ATF1: variants seen among roughly 807,000 people sequenced by gnomAD.
The protein encoded by ATF1 is activating transcription factor 1.
ATF1 carries 16 observed loss-of-function variants against 34.7 expected under a neutral mutation model. The ratio of observed to expected loss-of-function variants is 0.46; its 90% CI spans 0.31 to 0.70. ATF1 has a LOEUF of 0.70. Among genes scored for constraint, ATF1 ranks in the 30% least tolerant of loss-of-function variants. The pLI, the probability that ATF1 is intolerant of heterozygous loss-of-function variation, is 0.05. For synonymous variants in ATF1, 105 were observed against 113.1 expected (o/e 0.93, Z 0.46); for missense variants, 255 against 321.6 (o/e 0.79, Z 1.58).
chr12:50,809,393 AAATTAT>A, intron 3 of ATF1, 57 bp from the exon 4 acceptor site: 11 of 1,245,314 alleles, frequency 8.8e-6, no homozygotes, highest in Admixed American at 2.5e-5. Flanking sequence ...AAAAAAAAAA[AAATTAT>A]TTTTGTGAAG....
At position 50,820,759 on chromosome 12, in the gene ATF1, A is replaced by G. The variant is rs560045868; in HGVS notation, c.*980A>G. On this transcript the variant is annotated 3_prime_UTR_variant, in exon 7 of 7. Transcript: ENST00000262053. ...TTAAGGCAATTTTATGTTAGAGACT[A>G]TTTTGTAATGTAGTGAGTGGTACCT... 2.8e-5 allele frequency: 5 copies of G among 179,544 alleles called. No homozygotes were observed. Among genetic ancestry groups the G allele is most frequent in the African/African-American group, 9.4e-5 (4 of 42,486 alleles). The allele number at this position is 179,544 out of a possible 1,614,324, so 11.1% of individuals were successfully genotyped here. A position where few individuals can be genotyped will look rare whatever the true frequency, so the allele number is the denominator to read the frequency against.
At chr12:50,771,562 C>T (rs2139637121) in intron 1 of ATF1, among the ~76,000 whole-genome samples, 1 of 152,156 alleles carries the variant, frequency 6.6e-6, no homozygotes, top group South Asian at 2.1e-4. Context: ...ATCTTCGTCC[C>T]TCTGCAACCC....
chr12:50,798,723 C>T (rs923236686), intron 3 of ATF1, among the ~76,000 whole-genome samples: 7 of 152,088 alleles, frequency 4.6e-5, no homozygotes, highest in South Asian at 4.1e-4. Flanking sequence ...AAATCAAATA[C>T]GAATTCACTC....
chr12:50,771,207 T>C (rs564505891), intron 1 of ATF1, among the ~76,000 whole-genome samples: 1 of 152,150 alleles, frequency 6.6e-6, no homozygotes, highest in Non-Finnish European at 1.5e-5. Context: ...GGTTTCACCA[T>C]GTTGGCCAGG....
intron 3 of ATF1, among the ~76,000 whole-genome samples, chr12:50,798,485 T>A (rs1320547852): frequency 1.3e-5 from 2 of 151,888 alleles, no homozygotes; most frequent in Non-Finnish European, 2.9e-5. Context: ...ATTTTTTGTA[T>A]TTTTTAGTAG....
At chr12:50,813,946 G>T in intron 4 of ATF1, 64 bp from the exon 5 acceptor site, 1 of 1,480,268 alleles carries the variant, frequency 6.8e-7, no homozygotes. Context: ...TGGGCTTTTT[G>T]CCACTCCTTT....
At chr12:50,764,944 ACCCT>A (rs2139629292) in intron 1 of ATF1, among the ~76,000 whole-genome samples, 1 of 152,000 alleles carries the variant, frequency 6.6e-6, no homozygotes, top group Admixed American at 6.6e-5. Flanking sequence ...GGGCGTCTGT[ACCCT>A]TTGGGATGGG....
chr12:50,766,811 A>G (rs1293746069), intron 1 of ATF1, among the ~76,000 whole-genome samples: 1 of 152,028 alleles, frequency 6.6e-6, no homozygotes, highest in East Asian at 1.9e-4. Flanking sequence ...CCACCCTGCC[A>G]CAGGCAATAC....
At chr12:50,803,098 TA>T (rs746106904) in intron 3 of ATF1, among the ~76,000 whole-genome samples, 222 of 140,690 alleles carry the variant, frequency 1.6e-3, no homozygotes, top group Admixed American at 1.7e-3. Context: ...CCGTCTCTAC[TA>T]AAAAAAAAAA....
Position 50,810,154 on chromosome 12 carries a change from C to T in ATF1, c.328+565C>T, listed in dbSNP as rs543458786. Among the ~76,000 whole-genome samples the T allele has an allele frequency of 4.7e-5, 7 of 150,062 alleles. No homozygotes were observed. In the South Asian group the frequency reaches 1.5e-3, roughly 32 times the overall value. ...GGCCTTATTTTGTTCATTCTTATATCTATGTAGTTCCGTACATAATTGCTG... is the reference window on the plus strand; with the variant it reads ...GGCCTTATTTTGTTCATTCTTATATTTATGTAGTTCCGTACATAATTGCTG... On this transcript the variant is annotated intron_variant, in intron 4 of 6. Coordinates refer to ENST00000262053, the MANE Select transcript of ATF1 (RefSeq NM_005171.5).
At chr12:50,800,973 C>T (rs867626961) in intron 3 of ATF1, among the ~76,000 whole-genome samples, 13 of 152,086 alleles carry the variant, frequency 8.5e-5, no homozygotes, top group Middle Eastern at 3.4e-3. Context: ...TGGTGGCAGG[C>T]GCCTGTAATC....
chr12:50,805,032 C>T (rs1276201544), intron 3 of ATF1, among the ~76,000 whole-genome samples: 3 of 151,798 alleles, frequency 2.0e-5, no homozygotes, highest in Non-Finnish European at 4.4e-5. Flanking sequence ...AGGCTGGTTT[C>T]GAGCTCCTGT....
intron 6 of ATF1, among the ~76,000 whole-genome samples, chr12:50,817,298 T>C (rs534414617): frequency 6.6e-6 from 1 of 152,270 alleles, no homozygotes; most frequent in South Asian, 2.1e-4. Flanking sequence ...AAAGAATAGG[T>C]ACATAAATTG....
chr12:50,791,084 C>T (rs939395941), intron 2 of ATF1, among the ~76,000 whole-genome samples: 2 of 152,052 alleles, frequency 1.3e-5, no homozygotes, highest in African/African-American at 2.4e-5. Context: ...AGCCATTGGT[C>T]AAGAATTTGG....
At position 50,819,969 on chromosome 12, in the gene ATF1, C is replaced by T; in HGVS notation, c.*190C>T. ...AAAATGACCTCAAGGAAGCTACGGG[C>T]ACAACTGGAAGCTTTGTAGAAATTA... On this transcript the variant is annotated 3_prime_UTR_variant, in exon 7 of 7. Transcript: ENST00000262053. The T allele has an allele frequency of 2.1e-6, 1 of 466,178 alleles. No homozygotes were observed. The highest frequency in any genetic ancestry group is 3.7e-6 in the Non-Finnish European group (1 of 268,460). 28.9% of individuals were successfully genotyped at this position (466,178 alleles called of 1,614,324 possible).
At chr12:50,776,139 C>T (rs1158764514) in intron 1 of ATF1, among the ~76,000 whole-genome samples, 2 of 151,720 alleles carry the variant, frequency 1.3e-5, no homozygotes, top group Non-Finnish European at 2.9e-5. Context: ...AGTGAAACCC[C>T]GTCTTTACTA....
chr12:50,781,319 A>G (rs1252538821), intron 2 of ATF1, among the ~76,000 whole-genome samples: 1 of 152,216 alleles, frequency 6.6e-6, no homozygotes, highest in Admixed American at 6.5e-5. Flanking sequence ...CAGTCGGTAC[A>G]TGTTCAGTAT....
chr12:50,809,620 AAC>A (rs766382678), intron 4 of ATF1, 31 bp downstream of exon 4: 4 of 1,578,478 alleles, frequency 2.5e-6, no homozygotes, highest in Non-Finnish European at 3.5e-6. Context: ...CCACATTATA[AAC>A]ACACAAAACC....
rs1941027301 is a variant in ATF1, at chr12:50,780,254, G to C, written c.93+16G>C. On this transcript the variant is annotated intron_variant, in intron 2 of 6. Transcript: ENST00000262053. ...TGCTCAACAGGTAAGGGAGGGACTGGCCAAAATACTGAGCTTGTTAGGAAT... is the reference window on the plus strand; with the variant it reads ...TGCTCAACAGGTAAGGGAGGGACTGCCCAAAATACTGAGCTTGTTAGGAAT... 1 of 1,553,670 alleles carries C rather than the reference G, an allele frequency of 6.4e-7. No individual in the cohort carries two copies. The highest frequency in any genetic ancestry group is 8.9e-7 in the Non-Finnish European group (1 of 1,127,984).
Sources: gnomAD v4.1 joint callset for allele counts (sites outside exome capture counted in the v4.1 genomes callset) on GRCh38, gnomAD v4.1.1 for gene constraint, MANE v1.5 for transcripts, NCBI Gene and HGNC (gene_info 2026-07-23, HGNC 2026-07-21) for gene names.